Variants in CLIP4 observed in about 807,000 individuals in gnomAD.
CLIP4 encodes the protein CAP-Gly domain containing linker protein family member 4.
CLIP4 carries 47 observed loss-of-function variants against 73.1 expected under a neutral mutation model. That is an observed-to-expected ratio of 0.64 (90% CI 0.51 to 0.82). The LOEUF (loss-of-function observed/expected upper bound fraction) is 0.82. Ranked by LOEUF, CLIP4 falls within the 40% of genes least tolerant of loss-of-function variation. The probability of loss-of-function intolerance (pLI) is 0.00; values close to 1 mark genes in which losing one functional copy is unlikely to be tolerated. For synonymous variants in CLIP4, 306 were observed against 295.4 expected, an observed-to-expected ratio of 1.04 and a Z score of -0.37; for missense variants, 874 against 852.9, an observed-to-expected ratio of 1.02 and a Z score of -0.31.
intron 2 of CLIP4, chr2:29,130,560 G>T: frequency 1.0e-6 from 1 of 990,834 alleles, no homozygotes; most frequent in Non-Finnish European, 1.3e-6. Context: ...TCCTGAGCTG[G>T]GGGTGGGACT....
chr2:29,132,995 CTGGGCAACACAGTGAGACCTT>C (rs1184329003), intron 4 of CLIP4, among the ~76,000 whole-genome samples: 1 of 152,114 alleles, frequency 6.6e-6, no homozygotes, highest in East Asian at 1.9e-4. Context: ...TGAGACCAGC[CTGGGCAACACAGTGAGACCTT>C]GTCTCTACAA....
chr2:29,163,939 C>T lies in CLIP4; in HGVS notation c.1643C>T (p.Pro548Leu), dbSNP rs201068904. Residue 548 changes from proline (P) to leucine (L), a missense_variant, in exon 13 of 16, where the codon CCA becomes CTA. By Grantham distance (98) the Pro-to-Leu change is moderately conservative. Transcript: ENST00000320081. ...CCAAGATATGGAATATTTGCTCCCC[C>T]ATCCAGGGTGCAAAGGTGAGAGAAT... ...CSPRYGIFAP[P>L]SRVQRVTDSL... 940 of 1,612,920 alleles carry T rather than the reference C, an allele frequency of 5.8e-4. 19 individuals are homozygous for T. The South Asian group carries it at 1.0e-2, about 17-fold the overall frequency.
At chr2:29,120,299 C>T (rs547553659) in intron 1 of CLIP4, among the ~76,000 whole-genome samples, 1 of 152,066 alleles carries the variant, frequency 6.6e-6, no homozygotes, top group Non-Finnish European at 1.5e-5. Context: ...CAGTTCCTGC[C>T]AGTATTAAGA....
At chr2:29,107,358 G>GTTTTTTTTTGTTTT (rs1558504865) in intron 1 of CLIP4, among the ~76,000 whole-genome samples, 3 of 65,358 alleles carry the variant, frequency 4.6e-5, no homozygotes, top group East Asian at 6.0e-4. Context: ...GAACATGATA[G>GTTTTTTTTTGTTTT]TTTTTTTTTT....
chr2:29,164,350 C>G (rs562941418), intron 13 of CLIP4, among the ~76,000 whole-genome samples: 64 of 152,272 alleles, frequency 4.2e-4, no homozygotes, highest in African/African-American at 1.5e-3. Flanking sequence ...TCCTACAAAC[C>G]TAATGGAACC....
In CLIP4 at chr2:29,133,836, C is replaced by T. The variant is rs749533617; in HGVS notation, c.529+20C>T. 9 of 1,558,950 alleles carry T rather than the reference C, an allele frequency of 5.8e-6. No individual in the cohort carries two copies. The East Asian group carries it at 1.1e-4, about 20-fold the overall frequency. On this transcript the variant is annotated intron_variant, in intron 5 of 15. Coordinates refer to ENST00000320081, the MANE Select transcript of CLIP4 (RefSeq NM_024692.6). ...CAAAAGGCAAGTATTATAAGATCAC[C>T]TTTAGATATTATTAACTGAACACTT...
intron 14 of CLIP4, among the ~76,000 whole-genome samples, chr2:29,168,174 T>G (rs1203952470): frequency 6.6e-6 from 1 of 152,208 alleles, no homozygotes; most frequent in African/African-American, 2.4e-5. Context: ...TCTGAAGGGC[T>G]TAAATGGTAT....
intron 2 of CLIP4, among the ~76,000 whole-genome samples, chr2:29,127,893 T>TAA (rs1664713020): frequency 6.6e-6 from 1 of 152,260 alleles, no homozygotes; most frequent in South Asian, 2.1e-4. Context: ...GACAAGGAAA[T>TAA]TTGGTTGTTT....
At chr2:29,104,991 C>G (rs572101966) in intron 1 of CLIP4, among the ~76,000 whole-genome samples, 1 of 152,090 alleles carries the variant, frequency 6.6e-6, no homozygotes, top group African/African-American at 2.4e-5. Flanking sequence ...TGTTTTTTTG[C>G]TGGGACTCTG....
chr2:29,141,441 T>A (rs1665759476), intron 6 of CLIP4, among the ~76,000 whole-genome samples: 1 of 152,226 alleles, frequency 6.6e-6, no homozygotes, highest in Non-Finnish European at 1.5e-5. Context: ...CCCACTATTA[T>A]TGTGTGACTA....
At chr2:29,118,010 G>C (rs567143189) in intron 1 of CLIP4, among the ~76,000 whole-genome samples, 9 of 152,356 alleles carry the variant, frequency 5.9e-5, no homozygotes, top group Non-Finnish European at 1.2e-4. Context: ...AGATTGTACA[G>C]ATGTTATGTA....
At chr2:29,120,713 T>G (rs1664194940) in intron 1 of CLIP4, among the ~76,000 whole-genome samples, 1 of 152,136 alleles carries the variant, frequency 6.6e-6, no homozygotes, top group Non-Finnish European at 1.5e-5. Flanking sequence ...TAGTACAAAG[T>G]CTAATTTAGA....
intron 5 of CLIP4, among the ~76,000 whole-genome samples, chr2:29,134,170 G>A (rs1665182845): frequency 6.6e-6 from 1 of 151,980 alleles, no homozygotes; most frequent in Non-Finnish European, 1.5e-5. Context: ...TTCAGAGATT[G>A]GAATAATAAA....
rs1665000660 is a variant in CLIP4 at position 29,131,945 on chromosome 2, C to T, written c.274-207C>T. On this transcript the variant is annotated intron_variant, in intron 3 of 15. Coordinates refer to ENST00000320081, the MANE Select transcript of CLIP4 (RefSeq NM_024692.6). Reference sequence around the variant, plus strand: ...CCTTTGGAATAATCTTTAAGAATTTCCTTCAGCCTGCTGACAAGTTCAGTT... The same window carrying T: ...CCTTTGGAATAATCTTTAAGAATTTTCTTCAGCCTGCTGACAAGTTCAGTT... 4 of 485,130 alleles carry T rather than the reference C, an allele frequency of 8.2e-6. No homozygotes were observed. In the South Asian group the frequency reaches 1.2e-4, roughly 14 times the overall value. 30.1% of individuals were successfully genotyped at this position (485,130 alleles called of 1,614,324 possible).
At chr2:29,171,134 A>G (rs148229340) in intron 14 of CLIP4, among the ~76,000 whole-genome samples, 1 of 152,316 alleles carries the variant, frequency 6.6e-6, no homozygotes, top group Non-Finnish European at 1.5e-5. Context: ...TATCCATAAA[A>G]TAACTTGCTG....
intron 4 of CLIP4, 98 bp from the exon 5 acceptor site, chr2:29,133,557 C>T: frequency 9.2e-7 from 1 of 1,085,992 alleles, no homozygotes; most frequent in South Asian, 1.6e-5. Context: ...CTATACAGTG[C>T]ACTGTTTGCT....
chr2:29,105,282 TA>T (rs1163819253), intron 1 of CLIP4, among the ~76,000 whole-genome samples: 1 of 152,216 alleles, frequency 6.6e-6, no homozygotes, highest in African/African-American at 2.4e-5. Context: ...TTTGCTATTT[TA>T]AAGAAATCTA....
At chr2:29,117,010 ACT>A (rs1302420976) in intron 1 of CLIP4, among the ~76,000 whole-genome samples, 2 of 151,824 alleles carry the variant, frequency 1.3e-5, no homozygotes, top group South Asian at 2.1e-4. Flanking sequence ...CAAACCTCAA[ACT>A]CTGGTTACTT....
In CLIP4 at chr2:29,133,720, C is replaced by A; in HGVS notation, c.433C>A (p.Arg145=). 6 of 1,613,634 alleles carry A rather than the reference C, an allele frequency of 3.7e-6. No individual in the cohort carries two copies. The highest frequency in any genetic ancestry group is 5.1e-6 in the Non-Finnish European group (6 of 1,179,808). ...LIDLGADISL[R]SRWTNMNALH... is the part of the protein sequence containing the mutation. ...TGACCTGGGAGCAGACATTAGTTTG[C>A]GGAGTCGCTGGACAAACATGAATGC... The change falls in exon 5 of 16, where the codon CGG becomes AGG. Residue 145 remains arginine, a synonymous_variant. Transcript: ENST00000320081.
Sources: allele counts gnomAD v4.1 joint callset (sites outside exome capture counted in the v4.1 genomes callset), GRCh38; gene constraint gnomAD v4.1.1; transcripts MANE v1.5; gene names NCBI Gene and HGNC (gene_info 2026-07-23, HGNC 2026-07-21).